The following PRUNE2 variants were observed in gnomAD, a reference collection of about 807,000 sequenced individuals.
The protein encoded by PRUNE2 is prune homolog 2 with BCH domain, also known as protein prune homolog 2.
PRUNE2 carries 164 observed loss-of-function variants against 252.0 expected under a neutral mutation model. The observed-to-expected ratio is 0.65, with a 90% confidence interval of 0.57 to 0.74. The LOEUF (loss-of-function observed/expected upper bound fraction) is 0.74. PRUNE2 is among the 30% of genes least tolerant of loss of function. The pLI is 0.00. For missense variants in PRUNE2, 3,495 were observed against 3,711.0 expected, an observed-to-expected ratio of 0.94 and a Z score of 1.51; for synonymous variants, 1,292 against 1,350.2, an observed-to-expected ratio of 0.96 and a Z score of 0.94.
rs1171517911 is a variant in PRUNE2 at position 76,706,906 on chromosome 9, G to A, written c.5368C>T (p.Pro1790Ser). Residue 1790 changes from proline (P) to serine (S), a missense_variant, in exon 8 of 19, where the codon CCA becomes TCA. Physicochemically the swap from Pro to Ser is moderately conservative, Grantham distance 74. Transcript: ENST00000376718. ...TAVEKEKRSS[P>S]ETGTTGDVAW... ...ACATCTCCTGTTGTCCCTGTTTCTG[G>A]AGAAGATCTCTTCTCCTTCTCCACT... The A allele has an allele frequency of 1.2e-6, 2 of 1,601,346 alleles. No individual in the cohort carries two copies. Among genetic ancestry groups the A allele is most frequent in the Admixed American group, 1.7e-5 (1 of 58,354 alleles).
At chr9:76,685,680 G>T (rs1184848601) in intron 9 of PRUNE2, among the ~76,000 whole-genome samples, 1 of 152,106 alleles carries the variant, frequency 6.6e-6, no homozygotes, top group Non-Finnish European at 1.5e-5. Context: ...GGCCTCAGAA[G>T]AAACCAATTC....
chr9:76,680,530 C>A (rs1327953982), intron 9 of PRUNE2, among the ~76,000 whole-genome samples: 1 of 152,186 alleles, frequency 6.6e-6, no homozygotes, highest in Non-Finnish European at 1.5e-5. Context: ...ATTTATCAAT[C>A]CCACTTCTTG....
At chr9:76,866,922 A>G (rs2060878511) in intron 1 of PRUNE2, among the ~76,000 whole-genome samples, 1 of 152,194 alleles carries the variant, frequency 6.6e-6, no homozygotes. Flanking sequence ...TGAACAGCCC[A>G]GGCCCCTGTG....
chr9:76,708,221 A>G lies in PRUNE2; in HGVS notation c.4053T>C (p.Asn1351=), dbSNP rs912991413. ...GCCCTTTTTCAGAAATCCCTGAGGC[A>G]TTCTCCACACCAGAGGCGATCACCT... ...EEEVIASGVE[N]ASGISEKGQS... is the part of the protein sequence containing the mutation. Residue 1351 remains asparagine, a synonymous_variant, in exon 8 of 19, where the codon AAT becomes AAC. Transcript: ENST00000376718. 7 of 1,613,970 alleles carry G rather than the reference A, an allele frequency of 4.3e-6. No individual in the cohort carries two copies. In the African/African-American group the frequency reaches 5.3e-5, roughly 12 times the overall value.
chr9:76,801,812 G>C (rs146437499), intron 6 of PRUNE2, among the ~76,000 whole-genome samples: 1 of 152,096 alleles, frequency 6.6e-6, no homozygotes, highest in African/African-American at 2.4e-5. Context: ...TCAGTGCTGC[G>C]TACAGACAAT....
chr9:76,803,396 A>G (rs2056700878), intron 6 of PRUNE2, among the ~76,000 whole-genome samples: 1 of 152,206 alleles, frequency 6.6e-6, no homozygotes, highest in South Asian at 2.1e-4. Flanking sequence ...GATAAGCAGA[A>G]CAAGCAGTAC....
intron 12 of PRUNE2, among the ~76,000 whole-genome samples, chr9:76,641,370 G>C (rs1171187505): frequency 6.6e-5 from 10 of 152,120 alleles, no homozygotes; most frequent in Admixed American, 5.9e-4. Flanking sequence ...CCAAAATCAA[G>C]AGCCAGTGCC....
intron 1 of PRUNE2, among the ~76,000 whole-genome samples, chr9:76,888,887 G>T (rs982319130): frequency 2.6e-5 from 4 of 152,010 alleles, no homozygotes; most frequent in Non-Finnish European, 1.5e-5. Context: ...CTGTCACACA[G>T]GCTGAAGTGC....
intron 15 of PRUNE2, among the ~76,000 whole-genome samples, chr9:76,631,808 T>C (rs1338726708): frequency 1.3e-5 from 2 of 152,214 alleles, no homozygotes; most frequent in African/African-American, 4.8e-5. Context: ...AGTTTTTTGA[T>C]CCTCACTGTC....
At chr9:76,857,842 G>A (rs116099396) in intron 1 of PRUNE2, among the ~76,000 whole-genome samples, 121 of 152,166 alleles carry the variant, frequency 8.0e-4, no homozygotes, top group African/African-American at 2.7e-3. Flanking sequence ...AGGTCCCCAC[G>A]GTTCTGGTGC....
At chr9:76,684,199 C>T (rs1283826484) in intron 9 of PRUNE2, among the ~76,000 whole-genome samples, 1 of 152,162 alleles carries the variant, frequency 6.6e-6, no homozygotes, top group Non-Finnish European at 1.5e-5. Context: ...TTCTTCAGAT[C>T]TAACTGAAAT....
At chr9:76,649,463 G>A (rs1207681009) in intron 11 of PRUNE2, among the ~76,000 whole-genome samples, 1 of 152,156 alleles carries the variant, frequency 6.6e-6, no homozygotes, top group African/African-American at 2.4e-5. Flanking sequence ...GCACATGCCT[G>A]TAGTCCCAGC....
At chr9:76,735,845 G>A (rs934530414) in intron 6 of PRUNE2, among the ~76,000 whole-genome samples, 2 of 152,228 alleles carry the variant, frequency 1.3e-5, no homozygotes, top group Admixed American at 6.5e-5. Context: ...AGCTCAAAAA[G>A]CTTCAAAAAT....
chr9:76,902,525 C>T (rs931629616), intron 1 of PRUNE2, among the ~76,000 whole-genome samples: 4 of 152,152 alleles, frequency 2.6e-5, no homozygotes, highest in Admixed American at 6.6e-5. Flanking sequence ...AACTAGGAAG[C>T]GCCACTCTTT....
Position 76,802,185 on chromosome 9 carries a change from A to G in PRUNE2, c.756+21447T>C, listed in dbSNP as rs141052739. 9.8e-5 allele frequency among the ~76,000 whole-genome samples: 15 copies of G among 152,318 alleles called. No individual in the cohort carries two copies. In the East Asian group the frequency reaches 2.9e-3, roughly 29 times the overall value. On this transcript the variant is annotated intron_variant, in intron 6 of 18. Transcript: ENST00000376718. ...CAAATGTAATACAGATAACAAATTCATTTAAGCCCATTTATGCACATTAGT... is the reference window on the plus strand; with the variant it reads ...CAAATGTAATACAGATAACAAATTCGTTTAAGCCCATTTATGCACATTAGT...
chr9:76,742,962 G>A lies in PRUNE2; in HGVS notation c.757-29241C>T, dbSNP rs948325437. Among the ~76,000 whole-genome samples the A allele has an allele frequency of 3.9e-5, 6 of 152,268 alleles. No homozygotes were observed. The South Asian group carries it at 6.2e-4, about 16-fold the overall frequency. ...GTAGTTCCCATAATCCCCACATGTCGTGGGAGGGACCCAGTGGCAGTTTAA... is the reference window on the plus strand; with the variant it reads ...GTAGTTCCCATAATCCCCACATGTCATGGGAGGGACCCAGTGGCAGTTTAA... On this transcript the variant is annotated intron_variant, in intron 6 of 18. Transcript: ENST00000376718.
At chr9:76,779,194 G>A (rs1254132342) in intron 6 of PRUNE2, among the ~76,000 whole-genome samples, 1 of 150,758 alleles carries the variant, frequency 6.6e-6, no homozygotes, top group Non-Finnish European at 1.5e-5. Context: ...ATATGCAGAA[G>A]ATAATTAAAT....
chr9:76,850,455 G>C lies in PRUNE2; in HGVS notation c.344+8C>G. ...GATTAAACCTCAGAGCTTCACAGTG[G>C]ATCTTACCTCGCCAGCACACTGCTG... On this transcript the variant is annotated splice_region_variant and intron_variant, in intron 3 of 18. Transcript: ENST00000376718. 6.2e-7 allele frequency: 1 copy of C among 1,609,846 alleles called. No individual in the cohort carries two copies. Among genetic ancestry groups the C allele is most frequent in the Non-Finnish European group, 8.5e-7 (1 of 1,176,158 alleles).
At chr9:76,840,706 A>T (rs903884960) in intron 4 of PRUNE2, among the ~76,000 whole-genome samples, 1 of 152,128 alleles carries the variant, frequency 6.6e-6, no homozygotes, top group African/African-American at 2.4e-5. Flanking sequence ...CTAGGCTGGG[A>T]GTGGTGGCTC....
Sources: gnomAD v4.1 joint callset for allele counts (sites outside exome capture counted in the v4.1 genomes callset) on GRCh38, gnomAD v4.1.1 for gene constraint, MANE v1.5 for transcripts, NCBI Gene and HGNC (gene_info 2026-07-23, HGNC 2026-07-21) for gene names.